The following TMEM65 variants were observed in gnomAD, a reference collection of about 807,000 sequenced individuals.
The protein encoded by TMEM65 is transmembrane protein 65.
Under a neutral mutation model 25.4 loss-of-function variants are expected in TMEM65, and 22 were observed. That is an observed-to-expected ratio of 0.86 (90% CI 0.62 to 1.23). TMEM65 has a LOEUF of 1.23. Among genes scored for constraint, TMEM65 ranks in the 50% most tolerant of loss-of-function variants. The pLI, the probability that TMEM65 is intolerant of heterozygous loss-of-function variation, is 0.00. For missense variants in TMEM65, 262 were observed against 308.2 expected, an observed-to-expected ratio of 0.85 and a Z score of 1.12; for synonymous variants, 132 against 126.2, an observed-to-expected ratio of 1.05 and a Z score of -0.31.
At chr8:124,359,468 C>T (rs1027082196) in intron 1 of TMEM65, among the ~76,000 whole-genome samples, 1 of 152,124 alleles carries the variant, frequency 6.6e-6, no homozygotes, top group African/African-American at 2.4e-5. Context: ...TTTTTAAAGA[C>T]TGTAAGATCA....
At chr8:124,336,521 A>T (rs368464146) in intron 1 of TMEM65, among the ~76,000 whole-genome samples, 2 of 152,034 alleles carry the variant, frequency 1.3e-5, no homozygotes, top group African/African-American at 4.8e-5. Context: ...TAATGGAATC[A>T]GTAACAATAA....
chr8:124,319,775 A>C (rs1814282755), intron 6 of TMEM65, among the ~76,000 whole-genome samples: 1 of 152,046 alleles, frequency 6.6e-6, no homozygotes. Flanking sequence ...TTGGTTTTCC[A>C]CCTAAACAAG....
At chr8:124,322,289 T>C in intron 4 of TMEM65, 142 bp from the exon 5 acceptor site, 1 of 552,612 alleles carries the variant, frequency 1.8e-6, no homozygotes, top group Middle Eastern at 5.0e-4. Context: ...ATTGGACAGC[T>C]CTTACTCTCA....
At chr8:124,354,080 T>C (rs1484312704) in intron 1 of TMEM65, among the ~76,000 whole-genome samples, 1 of 152,040 alleles carries the variant, frequency 6.6e-6, no homozygotes, top group African/African-American at 2.4e-5. Flanking sequence ...TGAAATATAT[T>C]CATGAGGAAA....
At chr8:124,348,560 T>C (rs1202032141) in intron 1 of TMEM65, among the ~76,000 whole-genome samples, 1 of 152,178 alleles carries the variant, frequency 6.6e-6, no homozygotes, top group Admixed American at 6.5e-5. Flanking sequence ...TAAAAAATCA[T>C]ATAGCTATGG....
intron 1 of TMEM65, among the ~76,000 whole-genome samples, chr8:124,365,492 G>A (rs1814926270): frequency 6.6e-6 from 1 of 152,140 alleles, no homozygotes. Flanking sequence ...CAAAAGCTAG[G>A]TCATAACAAG....
chr8:124,369,858 A>T (rs1814989369), intron 1 of TMEM65, among the ~76,000 whole-genome samples: 1 of 152,212 alleles, frequency 6.6e-6, no homozygotes, highest in Non-Finnish European at 1.5e-5. Context: ...GTGTCATTTG[A>T]TTCATAGGAC....
chr8:124,370,995 T>C (rs1402854399), intron 1 of TMEM65, among the ~76,000 whole-genome samples: 1 of 152,244 alleles, frequency 6.6e-6, no homozygotes, highest in Non-Finnish European at 1.5e-5. Context: ...TCATCCTTTT[T>C]ATTTTCTGAA....
rs1176784467 is a variant in TMEM65 at position 124,371,838 on chromosome 8, C to T, written c.304+16G>A. On this transcript the variant is annotated intron_variant, in intron 1 of 6. Coordinates refer to ENST00000297632, the MANE Select transcript of TMEM65 (RefSeq NM_194291.3). Reference sequence around the variant, plus strand: ...CGTCGGGGCCCCCGGGCTCGCCCCCCACCTGCCCCCCTTACCTTGGGCAAT... The same window carrying T: ...CGTCGGGGCCCCCGGGCTCGCCCCCTACCTGCCCCCCTTACCTTGGGCAAT... The T allele has an allele frequency of 6.6e-7, 1 of 1,512,986 alleles. No individual in the cohort carries two copies. Among genetic ancestry groups the T allele is most frequent in the African/African-American group, 1.4e-5 (1 of 69,586 alleles). 93.7% of individuals were successfully genotyped at this position (1,512,986 alleles called of 1,614,324 possible). A position where few individuals can be genotyped will look rare whatever the true frequency, so the allele number is the denominator to read the frequency against.
At chr8:124,340,292 A>T (rs1814569223) in intron 1 of TMEM65, among the ~76,000 whole-genome samples, 1 of 152,158 alleles carries the variant, frequency 6.6e-6, no homozygotes, top group Non-Finnish European at 1.5e-5. Flanking sequence ...TGCATCTATG[A>T]TGTATATCTA....
At chr8:124,328,509 T>C (rs1814394673) in intron 2 of TMEM65, among the ~76,000 whole-genome samples, 1 of 152,134 alleles carries the variant, frequency 6.6e-6, no homozygotes, top group African/African-American at 2.4e-5. Flanking sequence ...ATTGAGGGCA[T>C]GGTAGATGCT....
Position 124,313,562 on chromosome 8 carries a change from T to G in TMEM65, c.*398A>C, listed in dbSNP as rs539062028. On this transcript the variant is annotated 3_prime_UTR_variant, in exon 7 of 7. Transcript: ENST00000297632. Reference sequence around the variant, plus strand: ...ACTGACATTAAACATCTTAAGTAATTTGGAAAAATCCCAAGGTTGAAATGT... The same window carrying G: ...ACTGACATTAAACATCTTAAGTAATGTGGAAAAATCCCAAGGTTGAAATGT... The G allele has an allele frequency of 1.9e-5, 3 of 155,372 alleles. No homozygotes were observed. The East Asian group carries it at 5.7e-4, about 29-fold the overall frequency. 9.6% of individuals were successfully genotyped at this position (155,372 alleles called of 1,614,324 possible).
chr8:124,348,332 T>C (rs1384508799), intron 1 of TMEM65, among the ~76,000 whole-genome samples: 1 of 151,912 alleles, frequency 6.6e-6, no homozygotes, highest in Non-Finnish European at 1.5e-5. Flanking sequence ...GTTTCACACA[T>C]ATAACTTGTG....
intron 6 of TMEM65, among the ~76,000 whole-genome samples, chr8:124,318,830 ATCATCTACCTTTTCAGTGAGGCCT>A (rs1424865615): frequency 6.6e-6 from 1 of 152,142 alleles, no homozygotes; most frequent in African/African-American, 2.4e-5. Context: ...GGTTTGAACA[ATCATCTACCTTTTCAGTGAGGCCT>A]ACAGTGACTC....
At chr8:124,331,015 T>C (rs9886564) in intron 1 of TMEM65, among the ~76,000 whole-genome samples, 16,862 of 151,958 alleles carry the variant, frequency 0.11, 1,060 homozygotes, top group African/African-American at 0.16. Context: ...AGTTACAAGC[T>C]TAACATGGAC....
rs1367920526 is a variant in TMEM65 at position 124,308,909 on chromosome 8, G to C, written c.*5051C>G. 6.6e-6 allele frequency: 1 copy of C among 152,138 alleles called. No individual in the cohort carries two copies. The highest frequency in any genetic ancestry group is 2.4e-5 in the African/African-American group (1 of 41,426). The allele number at this position is 152,138 out of a possible 1,614,324, so 9.4% of individuals were successfully genotyped here. On this transcript the variant is annotated 3_prime_UTR_variant, in exon 7 of 7. Transcript: ENST00000297632. ...AGAAATGAAAAAAAGCAAAACATCA[G>C]ACAGAAGTTACAATGCATTTTCATA... is the stretch of plus-strand genomic sequence containing the variant.
At chr8:124,326,996 AT>A (rs767955863) in intron 3 of TMEM65, among the ~76,000 whole-genome samples, 1 of 152,076 alleles carries the variant, frequency 6.6e-6, no homozygotes, top group Non-Finnish European at 1.5e-5. Context: ...ACTAAATCAA[AT>A]AATTACCTAT....
chr8:124,317,522 A>G (rs1367912272), intron 6 of TMEM65, among the ~76,000 whole-genome samples: 1 of 152,154 alleles, frequency 6.6e-6, no homozygotes, highest in Non-Finnish European at 1.5e-5. Context: ...CTGGAACAAC[A>G]GTTCTCAAAT....
At chr8:124,321,159 A>G (rs187884485) in intron 5 of TMEM65, among the ~76,000 whole-genome samples, 61 of 152,336 alleles carry the variant, frequency 4.0e-4, no homozygotes, top group Admixed American at 7.8e-4. Flanking sequence ...CCATGGTCCT[A>G]AAACAAAGAA....
Sources: gnomAD v4.1 joint callset for allele counts (sites outside exome capture counted in the v4.1 genomes callset) on GRCh38, gnomAD v4.1.1 for gene constraint, MANE v1.5 for transcripts, NCBI Gene and HGNC (gene_info 2026-07-23, HGNC 2026-07-21) for gene names.